Variants in SLC38A10 observed in about 807,000 individuals in gnomAD.
The protein encoded by SLC38A10 is Sodium-coupled neutral amino acid transporter 10.
Under a neutral mutation model 81.0 loss-of-function variants are expected in SLC38A10, and 53 were observed. The ratio of observed to expected loss-of-function variants is 0.65; its 90% CI spans 0.53 to 0.82. SLC38A10 has a LOEUF of 0.82. Ranked by LOEUF, SLC38A10 falls within the 40% of genes least tolerant of loss-of-function variation. The pLI, the probability that SLC38A10 is intolerant of heterozygous loss-of-function variation, is 0.00. For synonymous variants in SLC38A10, 665 were observed against 655.3 expected (o/e 1.01, Z -0.23); for missense variants, 1,471 against 1,545.0 (o/e 0.95, Z 0.80).
Position 81,245,987 on chromosome 17 carries a change from G to GC in SLC38A10, c.2928dup (p.Leu977AlafsTer99), listed in dbSNP as rs765667640. 3 of 1,604,154 alleles carry GC rather than the reference G, an allele frequency of 1.9e-6. No individual in the cohort carries two copies. The highest frequency in any genetic ancestry group is 2.6e-6 in the Non-Finnish European group (3 of 1,174,802). ...ATCTCCAGGTGACCGCCATGGTCCA[G>GC]CCGGTGGCCCTGCTGTCCACCCTGC... On this transcript the variant is annotated frameshift_variant, in exon 16 of 16. Coordinates refer to ENST00000374759, the MANE Select transcript of SLC38A10 (RefSeq NM_001037984.3). LOFTEE classifies it low-confidence loss of function (END_TRUNC).
intron 2 of SLC38A10, chr17:81,285,617 C>G (rs55877247): frequency 6.6e-6 from 1 of 152,060 alleles, no homozygotes; most frequent in African/African-American, 2.4e-5. Flanking sequence ...AGGCCCCGAG[C>G]GGTCATCTGG....
At chr17:81,294,294 G>T (rs1198597799) in intron 1 of SLC38A10, among the ~76,000 whole-genome samples, 4 of 152,092 alleles carry the variant, frequency 2.6e-5, no homozygotes, top group African/African-American at 9.7e-5. Context: ...GCCTCCCAAA[G>T]TGCTGGGATT....
rs1280311858 is a variant in SLC38A10 at position 81,245,317 on chromosome 17, AG to A, written c.*238del. On this transcript the variant is annotated 3_prime_UTR_variant, in exon 16 of 16. Transcript: ENST00000374759. ...TCCTCACAGGCTGGAGTGAGCTCAGAGTCTAGAGGTCAGAGGACCTCAGACT... is the reference window on the plus strand; with the variant it reads ...TCCTCACAGGCTGGAGTGAGCTCAGATCTAGAGGTCAGAGGACCTCAGACT... The A allele has an allele frequency of 1.5e-5, 7 of 478,964 alleles. No individual in the cohort carries two copies. The highest frequency in any genetic ancestry group is 1.4e-4 in the African/African-American group (7 of 49,492). The allele number at this position is 478,964 out of a possible 1,614,324, so 29.7% of individuals were successfully genotyped here.
intron 14 of SLC38A10, chr17:81,250,776 G>A (rs2062903008): frequency 1.1e-6 from 1 of 946,482 alleles, no homozygotes; most frequent in African/African-American, 1.8e-5. Flanking sequence ...CCTGTCCCCA[G>A]CAGGCTCACA....
At chr17:81,291,932 C>G (rs1053150638) in intron 1 of SLC38A10, among the ~76,000 whole-genome samples, 1 of 152,136 alleles carries the variant, frequency 6.6e-6, no homozygotes, top group South Asian at 2.1e-4. Context: ...CAGTGTGCCC[C>G]GGGTAGGCCG....
At chr17:81,251,469 G>A (rs1434670057) in intron 14 of SLC38A10, 24 bp downstream of exon 14, 1 of 1,606,584 alleles carries the variant, frequency 6.2e-7, no homozygotes, top group African/African-American at 1.3e-5. Flanking sequence ...CCTGAGGCAG[G>A]CGGCTGTAGG....
At position 81,253,333 on chromosome 17, in the gene SLC38A10, A is replaced by G; in HGVS notation, c.1289-93T>C. 2 of 1,451,834 alleles carry G rather than the reference A, an allele frequency of 1.4e-6. No individual in the cohort carries two copies. Among genetic ancestry groups the G allele is most frequent in the South Asian group, 1.3e-5 (1 of 76,554 alleles). The allele number at this position is 1,451,834 out of a possible 1,614,324, so 89.9% of individuals were successfully genotyped here. On this transcript the variant is annotated intron_variant, in intron 11 of 15. Transcript: ENST00000374759. The surrounding 1 kb of genome is among the most constrained non-coding windows in gnomAD (Gnocchi z 4.1). ...GACTGTTACCATATTTTCCAGCCAA[A>G]TGGCAGAGTCAAAGCAGTTTCTTTT...
chr17:81,272,031 G>T (rs2146927488), intron 9 of SLC38A10, among the ~76,000 whole-genome samples: 1 of 151,676 alleles, frequency 6.6e-6, no homozygotes, highest in East Asian at 1.9e-4. Flanking sequence ...CCAGCAAGCT[G>T]CCAGATTTTT....
chr17:81,272,529 G>C lies in SLC38A10; in HGVS notation c.1011C>G (p.Ile337Met). Residue 337 changes from isoleucine (I) to methionine (M), a missense_variant, in exon 9 of 16, where the codon ATC becomes ATG. By Grantham distance (10) the Ile-to-Met change is conservative. Coordinates refer to ENST00000374759, the MANE Select transcript of SLC38A10 (RefSeq NM_001037984.3). ...CTCCCGCCTTACCGTTGGGGATAAG[G>C]ATGCCACCAACCATGGTTCCAAACA... is the stretch of plus-strand genomic sequence containing the variant. Reference protein sequence around the residue: ...SVVFGTMVGGILIPNVETILG... With the variant: ...SVVFGTMVGGMLIPNVETILG... 2 of 1,595,750 alleles carry C rather than the reference G, an allele frequency of 1.3e-6. No homozygotes were observed. Among genetic ancestry groups the C allele is most frequent in the Non-Finnish European group, 8.5e-7 (1 of 1,172,500 alleles).
chr17:81,272,509 G>T lies in SLC38A10; in HGVS notation c.1024+7C>A. ...TCCCCGGCAACAGGGCAGCCCTCCC[G>T]CCTTACCGTTGGGGATAAGGATGCC... On this transcript the variant is annotated splice_region_variant and intron_variant, in intron 9 of 15. Transcript: ENST00000374759. The T allele has an allele frequency of 6.3e-7, 1 of 1,579,872 alleles. No homozygotes were observed. The highest frequency in any genetic ancestry group is 8.6e-7 in the Non-Finnish European group (1 of 1,164,512).
In SLC38A10 at chr17:81,283,598, C is replaced by A; in HGVS notation, c.264-96G>T. On this transcript the variant is annotated intron_variant, in intron 3 of 15. Coordinates refer to ENST00000374759, the MANE Select transcript of SLC38A10 (RefSeq NM_001037984.3). The surrounding 1 kb of genome is among the most constrained non-coding windows in gnomAD (Gnocchi z 4.7). The stretch of plus-strand genomic sequence containing the variant: ...ACTACCCCAAGGCTGGGCTGAATGA[C>A]AGATGTGATTTCTTTTTTCTTTTTT... The A allele has an allele frequency of 2.5e-6, 2 of 803,798 alleles. No individual in the cohort carries two copies. Among genetic ancestry groups the A allele is most frequent in the Non-Finnish European group, 4.0e-6 (2 of 502,490 alleles). The allele number at this position is 803,798 out of a possible 1,614,324, so 49.8% of individuals were successfully genotyped here. A position where few individuals can be genotyped will look rare whatever the true frequency, so the allele number is the denominator to read the frequency against.
chr17:81,250,964 C>T (rs1478522271), intron 14 of SLC38A10: 1 of 1,309,434 alleles, frequency 7.6e-7, no homozygotes, highest in East Asian at 3.0e-5. Context: ...TGTAGATGAA[C>T]ACAGCCGAGC....
In SLC38A10 at chr17:81,253,725, C is replaced by T. The variant is rs577197290; in HGVS notation, c.1289-485G>A. Among the ~76,000 whole-genome samples, 66 of 118,422 alleles carry T rather than the reference C, an allele frequency of 5.6e-4. No homozygotes were observed. The highest frequency in any genetic ancestry group is 6.4e-4 in the Admixed American group (8 of 12,422). The allele number at this position is 118,422 out of a possible 152,430, so 77.7% of individuals were successfully genotyped here. ...TCACCATCACCATCACCATCATCAC[C>T]ATCTCCATCCCTACCACCATCACCA... On this transcript the variant is annotated intron_variant, in intron 11 of 15. Coordinates refer to ENST00000374759, the MANE Select transcript of SLC38A10 (RefSeq NM_001037984.3). The surrounding 1 kb of genome is among the most constrained non-coding windows in gnomAD (Gnocchi z 4.1).
In SLC38A10 at chr17:81,282,203, C is replaced by T. The variant is rs759954340; in HGVS notation, c.487G>A (p.Val163Met). The T allele has an allele frequency of 5.2e-5, 84 of 1,613,584 alleles. No homozygotes were observed. The highest frequency in any genetic ancestry group is 6.4e-5 in the Non-Finnish European group (76 of 1,180,004). The change falls in exon 5 of 16, where the codon GTG (valine) becomes ATG (methionine). Residue 163 changes from valine (V) to methionine (M), a missense_variant. This residue lies in a region of SLC38A10 where 720 missense variants were observed against 827.7 expected (regional missense o/e 0.87). Transcript: ENST00000374759. ...FSAMALLFYT[V>M]FMFVIVLSSL... is the part of the protein sequence containing the mutation. ...TGCCGACTCACCACGAACATGAACA[C>T]GGTGTAGAAGAGGAGGGCCATGGCG...
rs372214932 is a variant in SLC38A10 at position 81,270,904 on chromosome 17, C to T, written c.1131+14G>A. ...ATCAGCCCTCGTCCAGGCCACCCCACGAGCAGCACGCACCTGGGAGGAAAG... is the reference window on the plus strand; with the variant it reads ...ATCAGCCCTCGTCCAGGCCACCCCATGAGCAGCACGCACCTGGGAGGAAAG... On this transcript the variant is annotated intron_variant, in intron 10 of 15. Coordinates refer to ENST00000374759, the MANE Select transcript of SLC38A10 (RefSeq NM_001037984.3). The surrounding 1 kb of genome is among the most constrained non-coding windows in gnomAD (Gnocchi z 4.0). 59 of 1,611,300 alleles carry T rather than the reference C, an allele frequency of 3.7e-5. No homozygotes were observed. Among genetic ancestry groups the T allele is most frequent in the Admixed American group, 1.0e-4 (6 of 59,982 alleles).
At chr17:81,291,140 G>A (rs1433436127) in intron 1 of SLC38A10, among the ~76,000 whole-genome samples, 4 of 152,102 alleles carry the variant, frequency 2.6e-5, no homozygotes, top group Non-Finnish European at 5.9e-5. Context: ...GGGGGCGGGG[G>A]CGCTGCACTT....
chr17:81,292,877 C>T (rs1188971629), intron 1 of SLC38A10, among the ~76,000 whole-genome samples: 3 of 152,222 alleles, frequency 2.0e-5, no homozygotes, highest in Non-Finnish European at 4.4e-5. Flanking sequence ...GGCACGGTGG[C>T]TCACGCCTGT....
chr17:81,266,958 A>C (rs2063075694), intron 10 of SLC38A10, among the ~76,000 whole-genome samples: 1 of 152,266 alleles, frequency 6.6e-6, no homozygotes, highest in Non-Finnish European at 1.5e-5. Context: ...GACTATGCAG[A>C]AAATGTATTA....
chr17:81,282,261 C>G lies in SLC38A10; in HGVS notation c.429G>C (p.Gln143His). The G allele has an allele frequency of 6.2e-7, 1 of 1,613,656 alleles. No homozygotes were observed. Among genetic ancestry groups the G allele is most frequent in the Non-Finnish European group, 8.5e-7 (1 of 1,180,036 alleles). The change falls in exon 5 of 16, where the codon CAG (glutamine) becomes CAC (histidine). Residue 143 changes from glutamine (Q) to histidine (H), a missense_variant. Physicochemically the swap from Gln to His is conservative, Grantham distance 24. Coordinates refer to ENST00000374759, the MANE Select transcript of SLC38A10 (RefSeq NM_001037984.3). ...ACTGGATGGAGGCCATCATGTTCCG[C>G]TGCAGGCTGAGCGGGAGCACGATGC... The part of the protein sequence containing the change: ...SLCIVLPLSL[Q>H]RNMMASIQSF...
Sources: gnomAD v4.1 joint callset for allele counts (sites outside exome capture counted in the v4.1 genomes callset) on GRCh38, gnomAD v4.1.1 for gene constraint, gnomAD v4.1.1 regional missense constraint, Gnocchi (gnomAD v3.1) non-coding constraint, MANE v1.5 for transcripts, NCBI Gene and HGNC (gene_info 2026-07-23, HGNC 2026-07-21) for gene names.